The following R3HDM1 variants were observed in gnomAD, a reference collection of about 807,000 sequenced individuals.
The protein encoded by R3HDM1 is R3H domain containing 1, also known as R3H domain-containing protein 1.
R3HDM1 carries 46 observed loss-of-function variants against 141.1 expected under a neutral mutation model. That is an observed-to-expected ratio of 0.33 (90% CI 0.26 to 0.42). R3HDM1 has a LOEUF of 0.42. R3HDM1 is among the 10% of genes least tolerant of loss of function. The pLI is 1.00. For synonymous variants in R3HDM1, 435 were observed against 472.9 expected (o/e 0.92, Z 1.04); for missense variants, 1,184 against 1,368.3 (o/e 0.87, Z 2.12).
chr2:135,575,096 C>T lies in R3HDM1; in HGVS notation c.-249-27404C>T, dbSNP rs1450515440. On this transcript the variant is annotated intron_variant, in intron 1 of 26. Transcript: ENST00000683871. ...CAAAATTCAAAACTTTTTAAGCAGT[C>T]ACACGATGCACAAAGTAAATGCTTA... is the stretch of plus-strand genomic sequence containing the variant. Among the ~76,000 whole-genome samples the T allele has an allele frequency of 3.3e-5, 5 of 152,198 alleles. No individual in the cohort carries two copies. The East Asian group carries it at 9.6e-4, about 29-fold the overall frequency.
chr2:135,616,621 C>A, intron 4 of R3HDM1, 47 bp from the exon 5 acceptor site: 1 of 1,450,832 alleles, frequency 6.9e-7, no homozygotes, highest in Non-Finnish European at 9.5e-7. Flanking sequence ...TTTGGATATG[C>A]CCTAGATTTC....
intron 17 of R3HDM1, chr2:135,651,121 A>G (rs971814263): frequency 1.0e-6 from 1 of 985,450 alleles, no homozygotes; most frequent in Non-Finnish European, 1.2e-6. Context: ...TACATTTGTC[A>G]AATTATCTGA....
chr2:135,710,447 ATCTCTACTAAAAATACAAAATCAGC>A (rs1488115454), intron 23 of R3HDM1, among the ~76,000 whole-genome samples: 2 of 152,134 alleles, frequency 1.3e-5, no homozygotes, highest in African/African-American at 4.8e-5. Flanking sequence ...GTGAAATCCC[ATCTCTACTAAAAATACAAAATCAGC>A]TGGGTGTAGT....
chr2:135,630,209 GGAGGTA>G (rs2062518328), intron 7 of R3HDM1, among the ~76,000 whole-genome samples: 1 of 147,372 alleles, frequency 6.8e-6, no homozygotes, highest in Admixed American at 6.8e-5. Flanking sequence ...CCTGAGAGGC[GGAGGTA>G]GTAGTGAGCC....
intron 1 of R3HDM1, among the ~76,000 whole-genome samples, chr2:135,532,701 TA>T (rs2104865317): frequency 6.6e-6 from 1 of 152,362 alleles, no homozygotes; most frequent in South Asian, 2.1e-4. Context: ...TACCCATTTA[TA>T]ATATGTGAAA....
chr2:135,531,496 G>T lies in R3HDM1; in HGVS notation c.-387G>T, dbSNP rs1409363721. 1 of 985,678 alleles carries T rather than the reference G, an allele frequency of 1.0e-6. No homozygotes were observed. The highest frequency in any genetic ancestry group is 1.1e-4 in the East Asian group (1 of 8,808). The allele number at this position is 985,678 out of a possible 1,614,324, so 61.1% of individuals were successfully genotyped here. A position where few individuals can be genotyped will look rare whatever the true frequency, so the allele number is the denominator to read the frequency against. On this transcript the variant is annotated 5_prime_UTR_variant, in exon 1 of 27. Transcript: ENST00000683871. ...GGGAAGGGGCGGGATTCTGCCAGCC[G>T]CGGCTGCCGCTGGAGCCGGTGTCCG... is the stretch of plus-strand genomic sequence containing the variant.
chr2:135,624,393 C>CAAAAAAA, intron 7 of R3HDM1, among the ~76,000 whole-genome samples: 1 of 61,798 alleles, frequency 1.6e-5, no homozygotes, highest in Non-Finnish European at 3.5e-5. Context: ...GACTCCGTCT[C>CAAAAAAA]AAAAAAAAAA....
At chr2:135,680,396 T>A in intron 21 of R3HDM1, 72 bp downstream of exon 21, 1 of 1,512,972 alleles carries the variant, frequency 6.6e-7, no homozygotes, top group Non-Finnish European at 9.1e-7. Context: ...TTGCTAGTTT[T>A]AAAGTTGACT....
At chr2:135,718,370 TAC>T (rs2076370296) in intron 24 of R3HDM1, among the ~76,000 whole-genome samples, 1 of 152,150 alleles carries the variant, frequency 6.6e-6, no homozygotes, top group Admixed American at 6.6e-5. Flanking sequence ...CTTAAAAACT[TAC>T]ACACACACAT....
chr2:135,676,232 G>A (rs933044866), intron 20 of R3HDM1, among the ~76,000 whole-genome samples: 24 of 152,102 alleles, frequency 1.6e-4, no homozygotes, highest in African/African-American at 5.8e-4. Context: ...AGCTGAGGCA[G>A]GAGAATTGCT....
chr2:135,640,204 C>T (rs1405455345), intron 14 of R3HDM1, among the ~76,000 whole-genome samples: 1 of 151,964 alleles, frequency 6.6e-6, no homozygotes, highest in East Asian at 1.9e-4. Context: ...CATATTTGAA[C>T]TGAAGGGCTG....
intron 24 of R3HDM1, 32 bp from the exon 25 acceptor site, chr2:135,721,892 G>A (rs1427463558): frequency 6.3e-7 from 1 of 1,586,446 alleles, no homozygotes; most frequent in South Asian, 1.1e-5. Flanking sequence ...CCGGCCTCTG[G>A]CAATAAAATA....
chr2:135,539,195 G>T (rs1180848891), intron 1 of R3HDM1, among the ~76,000 whole-genome samples: 1 of 152,044 alleles, frequency 6.6e-6, no homozygotes. Flanking sequence ...TAAATAAGTA[G>T]AAGGAATACA....
intron 5 of R3HDM1, among the ~76,000 whole-genome samples, chr2:135,618,928 G>A (rs375929055): frequency 6.6e-6 from 1 of 151,960 alleles, no homozygotes; most frequent in East Asian, 1.9e-4. Context: ...GCTGGGGCAG[G>A]AGAATCGCTT....
At chr2:135,723,211 T>C (rs967005514) in intron 26 of R3HDM1, among the ~76,000 whole-genome samples, 2 of 151,506 alleles carry the variant, frequency 1.3e-5, no homozygotes, top group African/African-American at 4.9e-5. Context: ...AACCTCCACC[T>C]CCCAGGTTCA....
intron 21 of R3HDM1, among the ~76,000 whole-genome samples, chr2:135,685,087 C>T (rs2071104644): frequency 6.6e-6 from 1 of 152,164 alleles, no homozygotes; most frequent in East Asian, 1.9e-4. Flanking sequence ...AATAATGTAT[C>T]ATGAACATCA....
chr2:135,566,875 G>A, intron 1 of R3HDM1: 1 of 567,124 alleles, frequency 1.8e-6, no homozygotes, highest in Non-Finnish European at 2.2e-6. Flanking sequence ...GGCAGGCTGG[G>A]GCAGAAGAAT....
chr2:135,672,620 A>G (rs138405502), intron 19 of R3HDM1, among the ~76,000 whole-genome samples: 12 of 152,284 alleles, frequency 7.9e-5, no homozygotes, highest in African/African-American at 2.9e-4. Context: ...TATCTAACCC[A>G]GATGGTGTCC....
chr2:135,546,157 T>A (rs1050858336), intron 1 of R3HDM1, among the ~76,000 whole-genome samples: 3 of 152,256 alleles, frequency 2.0e-5, no homozygotes, highest in African/African-American at 7.2e-5. Flanking sequence ...AATGTTTGTC[T>A]CCACATTGTA....
Sources: gnomAD v4.1 joint callset for allele counts (sites outside exome capture counted in the v4.1 genomes callset) on GRCh38, gnomAD v4.1.1 for gene constraint, MANE v1.5 for transcripts, NCBI Gene and HGNC (gene_info 2026-07-23, HGNC 2026-07-21) for gene names.